Variants in ITSN1 observed in about 807,000 individuals in gnomAD.
ITSN1 encodes intersectin-1.
ITSN1 carries 58 observed loss-of-function variants against 239.8 expected under a neutral mutation model. The observed-to-expected ratio is 0.24, with a 90% CI of 0.20 to 0.30. ITSN1 has a LOEUF of 0.30. Ranked by LOEUF, ITSN1 falls within the 10% of genes least tolerant of loss-of-function variation. The pLI is 1.00. For missense variants in ITSN1, 1,558 were observed against 2,103.3 expected (o/e 0.74, Z 5.07); for synonymous variants, 780 against 770.8 (o/e 1.01, Z -0.20).
At chr21:33,758,870 G>A (rs1569113778) in intron 8 of ITSN1, among the ~76,000 whole-genome samples, 1 of 152,108 alleles carries the variant, frequency 6.6e-6, no homozygotes, top group Non-Finnish European at 1.5e-5. Flanking sequence ...CTCCAAAACC[G>A]ATATCCCTTT....
intron 34 of ITSN1, among the ~76,000 whole-genome samples, chr21:33,881,765 G>T (rs1360617843): frequency 6.6e-6 from 1 of 152,086 alleles, no homozygotes; most frequent in Non-Finnish European, 1.5e-5. Context: ...ACGATCGCTT[G>T]AAGTCAGAAG....
intron 4 of ITSN1, among the ~76,000 whole-genome samples, chr21:33,726,610 C>T (rs1264801088): frequency 6.6e-6 from 1 of 151,740 alleles, no homozygotes; most frequent in African/African-American, 2.4e-5. Flanking sequence ...CTCAAACAAT[C>T]CTCCGGACTC....
intron 26 of ITSN1, 90 bp from the exon 27 acceptor site, chr21:33,829,534 T>G: frequency 1.4e-6 from 2 of 1,383,584 alleles, no homozygotes; most frequent in South Asian, 2.4e-5. Flanking sequence ...GATGTGTTCA[T>G]CTGTGAACCT....
chr21:33,881,472 G>A (rs544332838), intron 34 of ITSN1, among the ~76,000 whole-genome samples: 5 of 151,840 alleles, frequency 3.3e-5, no homozygotes, highest in Admixed American at 1.3e-4. Flanking sequence ...CCAGGGGCCC[G>A]GACTGCAGTT....
At chr21:33,807,982 G>A (rs1219832681) in intron 20 of ITSN1, among the ~76,000 whole-genome samples, 7 of 150,648 alleles carry the variant, frequency 4.6e-5, no homozygotes, top group African/African-American at 7.3e-5. Context: ...TCAGGAGATC[G>A]AGACCATCCT....
chr21:33,714,478 C>T (rs1569003571), intron 1 of ITSN1, among the ~76,000 whole-genome samples: 1 of 152,146 alleles, frequency 6.6e-6, no homozygotes, highest in Non-Finnish European at 1.5e-5. Flanking sequence ...TCTAGAGTAG[C>T]ATGGTAAATA....
rs1436859852 is a variant in ITSN1 at position 33,865,958 on chromosome 21, C to T, written c.4074+624C>T. On this transcript the variant is annotated intron_variant, in intron 32 of 39. Transcript: ENST00000381318. The surrounding 1 kb of genome is among the most constrained non-coding windows in gnomAD (Gnocchi z 4.4). Reference sequence around the variant, plus strand: ...TGGCCTTGGCCAGTGTGGGTCTCTGCTGGCCGTGCTGGGCCATTCAAACAG... The same window carrying T: ...TGGCCTTGGCCAGTGTGGGTCTCTGTTGGCCGTGCTGGGCCATTCAAACAG... Among the ~76,000 whole-genome samples, 1 of 152,100 alleles carries T rather than the reference C, an allele frequency of 6.6e-6. No homozygotes were observed. Among genetic ancestry groups the T allele is most frequent in the East Asian group, 1.9e-4 (1 of 5,188 alleles).
intron 12 of ITSN1, 64 bp from the exon 13 acceptor site, chr21:33,774,665 G>T: frequency 6.8e-7 from 1 of 1,476,176 alleles, no homozygotes; most frequent in East Asian, 2.3e-5. Context: ...TGCCATTTTT[G>T]TGAAAAGACA....
intron 1 of ITSN1, among the ~76,000 whole-genome samples, chr21:33,681,814 G>T (rs1019496814): frequency 2.0e-5 from 3 of 151,578 alleles, no homozygotes; most frequent in African/African-American, 7.3e-5. Context: ...GGGACTACAG[G>T]CGCCCACCAC....
chr21:33,666,883 C>T lies in ITSN1; in HGVS notation c.-33+24170C>T, dbSNP rs1300393352. On this transcript the variant is annotated intron_variant, in intron 1 of 39. Transcript: ENST00000381318. ...GTGGTGCAATGACAGCTCACTGCAG[C>T]CTCGACTTCTGGGCACAAGTGATCC... Among the ~76,000 whole-genome samples the T allele has an allele frequency of 2.0e-5, 3 of 152,214 alleles. No homozygotes were observed. The East Asian group carries it at 5.8e-4, about 29-fold the overall frequency.
intron 1 of ITSN1, among the ~76,000 whole-genome samples, chr21:33,688,208 T>C (rs2091343693): frequency 6.6e-6 from 1 of 152,180 alleles, no homozygotes; most frequent in Admixed American, 6.5e-5. Context: ...TATAATACCA[T>C]GAAGTTTAGG....
intron 27 of ITSN1, among the ~76,000 whole-genome samples, chr21:33,832,767 G>C (rs2074370452): frequency 6.6e-6 from 1 of 152,182 alleles, no homozygotes; most frequent in African/African-American, 2.4e-5. Context: ...TCAAGGAAAG[G>C]GAAACCTGCT....
At chr21:33,840,489 G>C (rs1001223098) in intron 29 of ITSN1, among the ~76,000 whole-genome samples, 2 of 151,990 alleles carry the variant, frequency 1.3e-5, no homozygotes, top group African/African-American at 2.4e-5. Flanking sequence ...TCAGCCTCCT[G>C]AGTAGCTGGG....
At chr21:33,695,360 T>C (rs969196175) in intron 1 of ITSN1, among the ~76,000 whole-genome samples, 9 of 152,332 alleles carry the variant, frequency 5.9e-5, no homozygotes, top group African/African-American at 2.2e-4. Flanking sequence ...CTTTATAAGA[T>C]CCATTTTAAA....
At chr21:33,710,895 T>C (rs1261133444) in intron 1 of ITSN1, among the ~76,000 whole-genome samples, 4 of 150,142 alleles carry the variant, frequency 2.7e-5, no homozygotes, top group African/African-American at 9.8e-5. Flanking sequence ...AACCTCCGCC[T>C]CTTGGGTTCA....
At chr21:33,682,372 C>A (rs2091011433) in intron 1 of ITSN1, among the ~76,000 whole-genome samples, 1 of 152,026 alleles carries the variant, frequency 6.6e-6, no homozygotes, top group African/African-American at 2.4e-5. Context: ...TGCGCCACCA[C>A]GCCCGGCTAA....
intron 7 of ITSN1, among the ~76,000 whole-genome samples, chr21:33,754,440 G>T (rs1459861642): frequency 6.6e-6 from 1 of 152,212 alleles, no homozygotes; most frequent in East Asian, 1.9e-4. Flanking sequence ...TGAAATTGCA[G>T]ACAGAGCATT....
At chr21:33,805,437 C>A (rs986973512) in intron 20 of ITSN1, among the ~76,000 whole-genome samples, 1 of 152,162 alleles carries the variant, frequency 6.6e-6, no homozygotes, top group Non-Finnish European at 1.5e-5. Context: ...GAAAGTATCT[C>A]ATTTAGTAAC....
intron 30 of ITSN1, among the ~76,000 whole-genome samples, chr21:33,857,909 C>T (rs536993675): frequency 3.3e-5 from 5 of 152,148 alleles, no homozygotes; most frequent in Non-Finnish European, 7.4e-5. Context: ...AGGGAGCAGC[C>T]GCAGCCCAGC....
Sources: allele counts gnomAD v4.1 joint callset (sites outside exome capture counted in the v4.1 genomes callset), GRCh38; gene constraint gnomAD v4.1.1; non-coding constraint Gnocchi (gnomAD v3.1); transcripts MANE v1.5; gene names NCBI Gene and HGNC (gene_info 2026-07-23, HGNC 2026-07-21).